The following RAB38 variants were observed in gnomAD, a reference collection of about 807,000 sequenced individuals.
The protein encoded by RAB38 is RAB38, member RAS oncogene family, also known as ras-related protein Rab-38.
Under a neutral mutation model 18.4 loss-of-function variants are expected in RAB38, and 15 were observed. The observed-to-expected ratio is 0.82, with a 90% confidence interval of 0.55 to 1.26. The LOEUF is 1.26. Ranked by LOEUF, RAB38 falls within the 50% of genes most tolerant of loss-of-function variation. The probability of loss-of-function intolerance (pLI) is 0.00; values close to 1 mark genes in which losing one functional copy is unlikely to be tolerated. For missense variants in RAB38, 294 were observed against 267.4 expected, an observed-to-expected ratio of 1.10 and a Z score of -0.69; for synonymous variants, 101 against 104.4, an observed-to-expected ratio of 0.97 and a Z score of 0.20.
chr11:87,973,263 T>A, the RAB38 span, among the ~76,000 whole-genome samples: 1 of 151,982 alleles, frequency 6.6e-6, no homozygotes, highest in Non-Finnish European at 1.5e-5. Flanking sequence ...TTTTGTCCAT[T>A]AAATAAAAGA....
At chr11:88,166,711 A>T (rs577421406) in intron 1 of RAB38, 15 of 152,284 alleles carry the variant, frequency 9.9e-5, no homozygotes, top group Middle Eastern at 3.4e-3. Context: ...GCAAAAACAC[A>T]GCTTTTAAGA....
the RAB38 span, among the ~76,000 whole-genome samples, chr11:88,063,232 A>T: frequency 1.3e-5 from 2 of 152,178 alleles, no homozygotes; most frequent in Non-Finnish European, 2.9e-5. Flanking sequence ...ATATATCAGG[A>T]TCACTAAGTT....
chr11:87,922,919 A>T, the RAB38 span, among the ~76,000 whole-genome samples: 1 of 151,402 alleles, frequency 6.6e-6, no homozygotes, highest in African/African-American at 2.4e-5. Context: ...GGGAGGGAGG[A>T]AAAAAGAAAA....
At chr11:88,109,075 T>C (rs1293776643), downstream of RAB38, among the ~76,000 whole-genome samples, 1 of 152,134 alleles carries the variant, frequency 6.6e-6, no homozygotes, top group African/African-American at 2.4e-5. Context: ...TAACATTTTT[T>C]CCTTAATTTC....
intron 1 of RAB38, among the ~76,000 whole-genome samples, chr11:88,172,122 T>C (rs950183641): frequency 6.6e-6 from 1 of 152,202 alleles, no homozygotes; most frequent in African/African-American, 2.4e-5. Flanking sequence ...TGACTCTGAG[T>C]GAAACGGAAC....
the RAB38 span, among the ~76,000 whole-genome samples, chr11:87,955,095 A>G: frequency 6.6e-6 from 1 of 152,230 alleles, no homozygotes; most frequent in Admixed American, 6.5e-5. Context: ...CTGTGCATGC[A>G]GTAGTGTTCA....
At chr11:88,023,283 A>ATTTTCTG in the RAB38 span, among the ~76,000 whole-genome samples, 1 of 152,178 alleles carries the variant, frequency 6.6e-6, no homozygotes, top group East Asian at 1.9e-4. Context: ...AAAAGTAATA[A>ATTTTCTG]AAAATGTTTT....
chr11:88,155,393 A>G (rs993143449), intron 1 of RAB38, among the ~76,000 whole-genome samples: 1 of 152,234 alleles, frequency 6.6e-6, no homozygotes, highest in South Asian at 2.1e-4. Flanking sequence ...GTCAAACTGC[A>G]CAGCCCAATA....
intron 1 of RAB38, chr11:88,166,484 G>C (rs1436641550): frequency 6.6e-6 from 1 of 152,152 alleles, no homozygotes; most frequent in Non-Finnish European, 1.5e-5. Flanking sequence ...CTGTGGGCCT[G>C]AGAAACTAAT....
At chr11:88,070,352 G>C in the RAB38 span, among the ~76,000 whole-genome samples, 1 of 152,134 alleles carries the variant, frequency 6.6e-6, no homozygotes, top group Non-Finnish European at 1.5e-5. Flanking sequence ...AAGAAACTCT[G>C]AACACGTTTG....
chr11:88,051,843 G>A, the RAB38 span, among the ~76,000 whole-genome samples: 1 of 152,288 alleles, frequency 6.6e-6, no homozygotes, highest in Non-Finnish European at 1.5e-5. Context: ...TAAATAAAGG[G>A]CTGGGCGCAG....
Position 88,113,913 on chromosome 11 carries a change from C to T in RAB38, c.*75G>A. The T allele has an allele frequency of 6.4e-7, 1 of 1,571,570 alleles. No individual in the cohort carries two copies. The highest frequency in any genetic ancestry group is 8.7e-7 in the Non-Finnish European group (1 of 1,144,384). ...GTGGTATCTCTATCCTGACGTTTAC[C>T]CAAAATGGTAAAAATAGAGGCACAA... On this transcript the variant is annotated 3_prime_UTR_variant, in exon 3 of 3. Transcript: ENST00000243662.
intron 1 of RAB38, among the ~76,000 whole-genome samples, chr11:88,153,869 T>C (rs905317599): frequency 2.6e-5 from 4 of 152,174 alleles, no homozygotes; most frequent in Admixed American, 1.3e-4. Flanking sequence ...CTCAGCCACA[T>C]GGAAATAGCA....
At chr11:88,014,080 G>A in the RAB38 span, among the ~76,000 whole-genome samples, 1 of 152,184 alleles carries the variant, frequency 6.6e-6, no homozygotes, top group East Asian at 1.9e-4. Flanking sequence ...TTCCCCTCTT[G>A]CTCTCCAGTA....
At chr11:88,150,417 A>C (rs1041397852) in intron 1 of RAB38, among the ~76,000 whole-genome samples, 2 of 152,218 alleles carry the variant, frequency 1.3e-5, no homozygotes, top group African/African-American at 2.4e-5. Context: ...ACACTGTTCT[A>C]AATATTTGGG....
At chr11:88,090,025 G>A in the RAB38 span, among the ~76,000 whole-genome samples, 6 of 151,912 alleles carry the variant, frequency 3.9e-5, no homozygotes, top group African/African-American at 1.2e-4. Flanking sequence ...TCTGGAGAGG[G>A]TGTTAGCCTT....
the RAB38 span, among the ~76,000 whole-genome samples, chr11:87,899,789 T>C: frequency 1.6e-4 from 25 of 151,666 alleles, no homozygotes; most frequent in Non-Finnish European, 3.1e-4. Context: ...GTAAATAAGA[T>C]ACAACTGCCA....
the RAB38 span, among the ~76,000 whole-genome samples, chr11:88,078,501 A>ATATGTGTGTGTGTGTGTGTGTG: frequency 1.4e-3 from 215 of 148,782 alleles, 3 homozygotes; most frequent in South Asian, 7.9e-3. Context: ...GTGTGTATAT[A>ATATGTGTGTGTGTGTGTGTGTG]TGTGTGTGTG....
the RAB38 span, among the ~76,000 whole-genome samples, chr11:87,902,873 ATATG>A: frequency 7.4e-3 from 1,111 of 150,710 alleles, 14 homozygotes; most frequent in African/African-American, 0.025. Context: ...TTGATCATAT[ATATG>A]TATGTGCATA....
Sources: allele counts gnomAD v4.1 joint callset (sites outside exome capture counted in the v4.1 genomes callset), GRCh38; gene constraint gnomAD v4.1.1; transcripts MANE v1.5; gene names NCBI Gene and HGNC (gene_info 2026-07-23, HGNC 2026-07-21).